Variants in DSCAM observed in about 807,000 individuals in gnomAD.
DSCAM encodes DS cell adhesion molecule.
DSCAM carries 47 observed loss-of-function variants against 217.7 expected under a neutral mutation model. The ratio of observed to expected loss-of-function variants is 0.22; its 90% CI spans 0.17 to 0.28. The LOEUF (loss-of-function observed/expected upper bound fraction) is 0.28. Among genes scored for constraint, DSCAM ranks in the 10% least tolerant of loss-of-function variants. The probability of loss-of-function intolerance (pLI) is 1.00; values close to 1 mark genes in which losing one functional copy is unlikely to be tolerated. For missense variants in DSCAM, 2,080 were observed against 2,618.3 expected (o/e 0.79, Z 4.49); for synonymous variants, 1,056 against 1,015.3 (o/e 1.04, Z -0.76).
At chr21:40,484,013 C>T (rs901178498) in intron 3 of DSCAM, among the ~76,000 whole-genome samples, 1 of 152,202 alleles carries the variant, frequency 6.6e-6, no homozygotes, top group African/African-American at 2.4e-5. Context: ...TAATTACGAA[C>T]TGTTAATTCT....
chr21:40,124,136 G>A, intron 20 of DSCAM, 59 bp downstream of exon 20: 2 of 1,608,590 alleles, frequency 1.2e-6, no homozygotes, highest in Admixed American at 1.7e-5. Flanking sequence ...TCCAGTGCGA[G>A]CACCTGCAGC....
chr21:40,815,119 G>T (rs1601300337), intron 1 of DSCAM, among the ~76,000 whole-genome samples: 2 of 152,142 alleles, frequency 1.3e-5, no homozygotes, highest in African/African-American at 4.8e-5. Flanking sequence ...ATGGAGAGGA[G>T]AAGTCATTCT....
intron 3 of DSCAM, among the ~76,000 whole-genome samples, chr21:40,644,716 T>A (rs142888439): frequency 6.6e-6 from 1 of 152,162 alleles, no homozygotes; most frequent in East Asian, 1.9e-4. Flanking sequence ...CTCTGTAGAG[T>A]GTACTTTCAC....
At chr21:40,180,086 G>A (rs1365645799) in intron 14 of DSCAM, among the ~76,000 whole-genome samples, 1 of 152,210 alleles carries the variant, frequency 6.6e-6, no homozygotes, top group Non-Finnish European at 1.5e-5. Context: ...AGGCCATGCT[G>A]GCCATACCCA....
intron 20 of DSCAM, among the ~76,000 whole-genome samples, chr21:40,121,618 C>A (rs779541559): frequency 8.6e-5 from 13 of 150,674 alleles, no homozygotes; most frequent in African/African-American, 1.2e-4. Context: ...CACAGAGATA[C>A]CCTGATAAAA....
chr21:40,236,359 A>G (rs2073079498), intron 11 of DSCAM, among the ~76,000 whole-genome samples: 1 of 152,138 alleles, frequency 6.6e-6, no homozygotes, highest in Non-Finnish European at 1.5e-5. Flanking sequence ...ACCGTGTTGT[A>G]AGGTCACCAT....
chr21:40,539,660 G>C (rs765035575), intron 3 of DSCAM, among the ~76,000 whole-genome samples: 17 of 152,088 alleles, frequency 1.1e-4, no homozygotes, highest in Non-Finnish European at 2.4e-4. Flanking sequence ...CAGATCAAGA[G>C]CAAGGATGTT....
chr21:40,727,222 G>GC (rs2090964930), intron 1 of DSCAM, among the ~76,000 whole-genome samples: 1 of 152,084 alleles, frequency 6.6e-6, no homozygotes, highest in African/African-American at 2.4e-5. Flanking sequence ...TCTCAAACAC[G>GC]CAAGACTTTA....
intron 4 of DSCAM, among the ~76,000 whole-genome samples, chr21:40,364,073 G>A (rs994653159): frequency 1.2e-4 from 19 of 152,336 alleles, no homozygotes; most frequent in Admixed American, 1.0e-3. Context: ...CTTTTACACT[G>A]TTGGTGGGAC....
chr21:40,435,368 T>C (rs542061523), intron 3 of DSCAM, among the ~76,000 whole-genome samples: 2 of 152,336 alleles, frequency 1.3e-5, no homozygotes, highest in East Asian at 3.9e-4. Flanking sequence ...ACAAATTTTA[T>C]AGTTTTACAT....
At chr21:40,542,324 T>C (rs947363083) in intron 3 of DSCAM, among the ~76,000 whole-genome samples, 2 of 152,208 alleles carry the variant, frequency 1.3e-5, no homozygotes, top group African/African-American at 4.8e-5. Context: ...AGAAACACAT[T>C]TGGATGCCCA....
chr21:40,724,843 T>TGTTC, intron 1 of DSCAM, among the ~76,000 whole-genome samples: 1 of 152,260 alleles, frequency 6.6e-6, no homozygotes, highest in East Asian at 1.9e-4. Context: ...AACTTCACTA[T>TGTTC]GTTCAGAAGT....
chr21:40,349,122 G>A (rs151014672), intron 5 of DSCAM, among the ~76,000 whole-genome samples: 3,742 of 48,736 alleles, frequency 0.077, 77 homozygotes, highest in Middle Eastern at 0.13. Context: ...GGGGGACAGA[G>A]TGAGACTCCA....
chr21:40,681,053 T>C (rs2090395097), intron 3 of DSCAM, among the ~76,000 whole-genome samples: 1 of 152,260 alleles, frequency 6.6e-6, no homozygotes, highest in African/African-American at 2.4e-5. Context: ...ATTGATTTTG[T>C]AATCAAGGGT....
intron 6 of DSCAM, among the ~76,000 whole-genome samples, chr21:40,343,714 G>A (rs1304812832): frequency 6.6e-6 from 1 of 151,892 alleles, no homozygotes; most frequent in African/African-American, 2.4e-5. Context: ...TCTGCTAAAA[G>A]TTAAGATTGC....
intron 3 of DSCAM, among the ~76,000 whole-genome samples, chr21:40,567,002 G>T (rs1350566645): frequency 3.3e-5 from 5 of 151,958 alleles, no homozygotes; most frequent in Non-Finnish European, 7.4e-5. Context: ...ACAAGCAGAA[G>T]GGGTGTAGGC....
chr21:40,180,557 G>A (rs2090788135), intron 14 of DSCAM, among the ~76,000 whole-genome samples: 1 of 152,122 alleles, frequency 6.6e-6, no homozygotes, highest in Non-Finnish European at 1.5e-5. Context: ...ACACCTATGA[G>A]GCTTGTCCCA....
chr21:40,151,161 G>A (rs1484587981), intron 16 of DSCAM, among the ~76,000 whole-genome samples: 1 of 151,904 alleles, frequency 6.6e-6, no homozygotes, highest in Non-Finnish European at 1.5e-5. Context: ...GTTCCTCTCT[G>A]ACTGCCTGAA....
chr21:40,565,906 T>A lies in DSCAM; in HGVS notation c.508+126904A>T, dbSNP rs939286079. ...TTCCACACATGCAGGTCCCCCAGCA[T>A]GAACGCATGAACCAACAACATGTAC... On this transcript the variant is annotated intron_variant, in intron 3 of 32. Transcript: ENST00000400454. 7.2e-5 allele frequency among the ~76,000 whole-genome samples: 11 copies of A among 152,158 alleles called. 1 individual carries two copies. Among genetic ancestry groups the A allele is most frequent in the African/African-American group, 2.4e-4 (10 of 41,436 alleles).
Sources: allele counts gnomAD v4.1 joint callset (sites outside exome capture counted in the v4.1 genomes callset), GRCh38; gene constraint gnomAD v4.1.1; transcripts MANE v1.5; gene names NCBI Gene and HGNC (gene_info 2026-07-23, HGNC 2026-07-21).